The following ZFPM2 variants were observed in gnomAD, a reference collection of about 807,000 sequenced individuals.
ZFPM2 encodes zinc finger protein, FOG family member 2, also known as zinc finger protein ZFPM2.
A neutral mutation model predicts 98.6 loss-of-function variants in ZFPM2; 20 were observed. The observed-to-expected ratio is 0.20, with a 90% CI of 0.14 to 0.29. ZFPM2 has a LOEUF of 0.29. Ranked by LOEUF, ZFPM2 falls within the 10% of genes least tolerant of loss-of-function variation. ZFPM2 has a pLI of 1.00. For synonymous variants in ZFPM2, 518 were observed against 502.7 expected (o/e 1.03, Z -0.41); for missense variants, 1,310 against 1,388.6 (o/e 0.94, Z 0.90).
intron 5 of ZFPM2, among the ~76,000 whole-genome samples, chr8:105,667,701 G>T (rs1817516020): frequency 6.6e-6 from 1 of 152,128 alleles, no homozygotes; most frequent in Non-Finnish European, 1.5e-5. Flanking sequence ...ACAGATATGA[G>T]AATATCTTTC....
Position 105,463,448 on chromosome 8 carries a change from GGAAA to G in ZFPM2, c.301+19073_301+19076del, listed in dbSNP as rs546670630. The stretch of plus-strand genomic sequence containing the variant: ...ACTTTTGTGTTACATGCTCTTTGAA[GGAAA>G]GAAAGGATGATCACTTTTAATGATT... On this transcript the variant is annotated intron_variant, in intron 3 of 7. Transcript: ENST00000407775. Among the ~76,000 whole-genome samples, 168 of 151,762 alleles carry G rather than the reference GGAAA, an allele frequency of 1.1e-3. 1 individual carries two copies. Among genetic ancestry groups the G allele is most frequent in the African/African-American group, 4.0e-3 (164 of 41,412 alleles).
rs371156550 is a variant in ZFPM2 at position 105,375,555 on chromosome 8, ACT to A, written c.41-43586_41-43585del. On this transcript the variant is annotated intron_variant, in intron 1 of 7. Coordinates refer to ENST00000407775, the MANE Select transcript of ZFPM2 (RefSeq NM_012082.4). ...ATGCTCAGTGTTCCAACTGCTGGTA[ACT>A]CTGGCAGAATTGGTGTCCTGGAATA... 4.7e-4 allele frequency among the ~76,000 whole-genome samples: 71 copies of A among 152,252 alleles called. 1 individual carries two copies. The East Asian group carries it at 0.013, about 27-fold the overall frequency.
rs187151357 is a variant in ZFPM2, at chr8:105,376,214, G to C, written c.41-42930G>C. Among the ~76,000 whole-genome samples the C allele has an allele frequency of 2.1e-3, 320 of 152,202 alleles. 2 individuals carry two copies. The highest frequency in any genetic ancestry group is 7.4e-3 in the African/African-American group (309 of 41,548). ...GACTACTCCCTCCTTCTTGAAGCACGTTCTTCTCTTGAGTTTGGTGACATC... is the reference window on the plus strand; with the variant it reads ...GACTACTCCCTCCTTCTTGAAGCACCTTCTTCTCTTGAGTTTGGTGACATC... On this transcript the variant is annotated intron_variant, in intron 1 of 7. Transcript: ENST00000407775.
chr8:105,324,885 T>A (rs542272505), intron 1 of ZFPM2, among the ~76,000 whole-genome samples: 1 of 152,008 alleles, frequency 6.6e-6, no homozygotes, highest in East Asian at 1.9e-4. Context: ...CCAAATTGTG[T>A]GAAGAATATA....
chr8:105,396,091 C>G (rs1229529289), intron 1 of ZFPM2, among the ~76,000 whole-genome samples: 2 of 152,158 alleles, frequency 1.3e-5, no homozygotes, highest in African/African-American at 4.8e-5. Flanking sequence ...CATATTTCTA[C>G]ATTTTACCAT....
chr8:105,457,486 A>G (rs974201243), intron 3 of ZFPM2, among the ~76,000 whole-genome samples: 1 of 152,236 alleles, frequency 6.6e-6, no homozygotes, highest in South Asian at 2.1e-4. Context: ...ACAGAGGAGA[A>G]GATAGACAAA....
intron 3 of ZFPM2, among the ~76,000 whole-genome samples, chr8:105,459,075 TC>T (rs1812655364): frequency 6.6e-6 from 1 of 152,198 alleles, no homozygotes; most frequent in Non-Finnish European, 1.5e-5. Flanking sequence ...GAATGGCCCT[TC>T]TTTTTTTCTT....
At chr8:105,444,586 G>A (rs1226917743) in intron 3 of ZFPM2, among the ~76,000 whole-genome samples, 4 of 152,032 alleles carry the variant, frequency 2.6e-5, no homozygotes, top group Non-Finnish European at 5.9e-5. Flanking sequence ...ACCTCTGCTT[G>A]AAGTTTCTGT....
At chr8:105,328,829 T>C (rs1812161849) in intron 1 of ZFPM2, among the ~76,000 whole-genome samples, 2 of 151,852 alleles carry the variant, frequency 1.3e-5, no homozygotes, top group East Asian at 3.9e-4. Context: ...GATTTTCCAA[T>C]GCTGTTTGAC....
chr8:105,323,049 C>T (rs1170350991), intron 1 of ZFPM2, among the ~76,000 whole-genome samples: 1 of 151,282 alleles, frequency 6.6e-6, no homozygotes, highest in African/African-American at 2.4e-5. Flanking sequence ...CACATGAAAA[C>T]CTCTAGTTGG....
intron 5 of ZFPM2, among the ~76,000 whole-genome samples, chr8:105,643,648 A>G (rs1309411879): frequency 1.3e-5 from 2 of 152,202 alleles, no homozygotes; most frequent in Non-Finnish European, 2.9e-5. Context: ...GATCAGTGTT[A>G]TGTTACTTTT....
intron 2 of ZFPM2, among the ~76,000 whole-genome samples, chr8:105,440,779 G>A (rs1316078519): frequency 6.6e-6 from 1 of 152,088 alleles, no homozygotes; most frequent in East Asian, 1.9e-4. Context: ...AGGGAATAAG[G>A]GATGAATACC....
intron 5 of ZFPM2, among the ~76,000 whole-genome samples, chr8:105,724,557 T>G (rs556121692): frequency 1.3e-5 from 2 of 151,974 alleles, no homozygotes; most frequent in South Asian, 4.1e-4. Context: ...ATGGAGATGA[T>G]TAGCATCACA....
intron 5 of ZFPM2, among the ~76,000 whole-genome samples, chr8:105,649,096 C>A (rs972744922): frequency 2.0e-4 from 30 of 152,232 alleles, no homozygotes; most frequent in African/African-American, 7.0e-4. Context: ...TCCTTCACAT[C>A]CCTTGTAAGT....
chr8:105,421,117 A>C (rs1223319926), intron 2 of ZFPM2, among the ~76,000 whole-genome samples: 1 of 152,194 alleles, frequency 6.6e-6, no homozygotes, highest in African/African-American at 2.4e-5. Flanking sequence ...CTATGGTCTT[A>C]GGACAGTCAC....
chr8:105,558,128 GA>G (rs941489342), intron 3 of ZFPM2, among the ~76,000 whole-genome samples: 17 of 151,192 alleles, frequency 1.1e-4, no homozygotes, highest in Admixed American at 7.9e-4. Context: ...TTAATTTTTG[GA>G]AAAAAAATAA....
intron 5 of ZFPM2, among the ~76,000 whole-genome samples, chr8:105,754,912 T>C (rs1394404140): frequency 6.6e-6 from 1 of 151,944 alleles, no homozygotes; most frequent in Non-Finnish European, 1.5e-5. Context: ...GTGTCTGCTT[T>C]CCCACATTTT....
chr8:105,713,043 A>G (rs1428637876), intron 5 of ZFPM2, among the ~76,000 whole-genome samples: 1 of 152,062 alleles, frequency 6.6e-6, no homozygotes, highest in African/African-American at 2.4e-5. Context: ...TCCTTTGGGT[A>G]TATATCCAGT....
chr8:105,483,586 T>C (rs139440146), intron 3 of ZFPM2, among the ~76,000 whole-genome samples: 2,853 of 146,574 alleles, frequency 0.019, 91 homozygotes, highest in African/African-American at 0.069. Context: ...TGGGAGTCCA[T>C]CTCAAAAAAA....
Sources: allele counts gnomAD v4.1 joint callset (sites outside exome capture counted in the v4.1 genomes callset), GRCh38; gene constraint gnomAD v4.1.1; transcripts MANE v1.5; gene names NCBI Gene and HGNC (gene_info 2026-07-23, HGNC 2026-07-21).